TEK: variants seen among roughly 807,000 people sequenced by gnomAD.
The protein encoded by TEK is TEK receptor tyrosine kinase.
In TEK, 43 loss-of-function variants were observed where a neutral mutation model predicts 131.8. The ratio of observed to expected loss-of-function variants is 0.33; its 90% CI spans 0.26 to 0.42. The LOEUF (loss-of-function observed/expected upper bound fraction) is 0.42. Ranked by LOEUF, TEK falls within the 10% of genes least tolerant of loss-of-function variation. The pLI is 1.00. For synonymous variants in TEK, 580 were observed against 491.6 expected (o/e 1.18, Z -2.38); for missense variants, 1,162 against 1,384.4 (o/e 0.84, Z 2.55).
At chr9:27,223,156 A>G (rs1170058083) in intron 21 of TEK, among the ~76,000 whole-genome samples, 1 of 138,374 alleles carries the variant, frequency 7.2e-6, no homozygotes, top group East Asian at 2.2e-4. Flanking sequence ...AAGAGACTTA[A>G]AGTCTCCCAC....
At chr9:27,158,867 G>C (rs1243227725) in intron 2 of TEK, among the ~76,000 whole-genome samples, 1 of 152,062 alleles carries the variant, frequency 6.6e-6, no homozygotes, top group Non-Finnish European at 1.5e-5. Flanking sequence ...CACCATATTG[G>C]CCAGGACGAT....
At chr9:27,167,536 T>C (rs1823778052) in intron 2 of TEK, among the ~76,000 whole-genome samples, 1 of 152,196 alleles carries the variant, frequency 6.6e-6, no homozygotes, top group Admixed American at 6.5e-5. Context: ...CCTTGGCTTA[T>C]GATTTTGTAA....
At chr9:27,220,919 C>T (rs1457477757) in intron 21 of TEK, among the ~76,000 whole-genome samples, 1 of 152,190 alleles carries the variant, frequency 6.6e-6, no homozygotes, top group African/African-American at 2.4e-5. Context: ...CCTGGAACAC[C>T]AGCAAGTAAG....
rs142404471 is a variant in TEK at position 27,214,848 on chromosome 9, T to C, written c.2991+1251T>C. Among the ~76,000 whole-genome samples the C allele has an allele frequency of 1.0e-2, 1,516 of 152,268 alleles. 35 individuals carry two copies. The highest frequency in any genetic ancestry group is 0.013 in the Non-Finnish European group (884 of 68,016). ...AAGCCATGTGTGCCTCCCTGAGGGC[T>C]GGCTTCCAGGTGATGCTTTTCTCCC... is the stretch of plus-strand genomic sequence containing the variant. On this transcript the variant is annotated intron_variant, in intron 18 of 22. Transcript: ENST00000380036.
At chr9:27,126,054 G>A (rs920325401) in intron 1 of TEK, among the ~76,000 whole-genome samples, 5 of 152,198 alleles carry the variant, frequency 3.3e-5, no homozygotes, top group African/African-American at 1.2e-4. Context: ...CTTATGTTCT[G>A]TAAACCACGA....
At chr9:27,206,217 A>G (rs1825395224) in intron 14 of TEK, among the ~76,000 whole-genome samples, 1 of 152,214 alleles carries the variant, frequency 6.6e-6, no homozygotes, top group Admixed American at 6.5e-5. Context: ...AGGCTCTCCA[A>G]GTTAGTTTCC....
In TEK at chr9:27,213,555, TGGATTGTCCC is replaced by T. The variant is rs1160729163; in HGVS notation, c.2951_2960del (p.Gly984GlufsTer7). The T allele has an allele frequency of 6.2e-7, 1 of 1,614,038 alleles. No homozygotes were observed. The highest frequency in any genetic ancestry group is 8.5e-7 in the Non-Finnish European group (1 of 1,179,898). On this transcript the variant is annotated frameshift_variant, in exon 18 of 23. Coordinates refer to ENST00000380036, the MANE Select transcript of TEK (RefSeq NM_000459.5). LOFTEE classifies it high-confidence loss of function. ...ACTATGTGGCAAAAATAGCAGATTT[TGGATTGTCCC>T]GAGGTCAAGAGGTGTATGTGAAAAA...
At position 27,228,278 on chromosome 9, in the gene TEK, C is replaced by G. The variant is rs144527376; in HGVS notation, c.3273C>G (p.Ser1091=). ...ERPSFAQILV[S]LNRMLEERKT... ...CATCATTTGCCCAGATATTGGTGTC[C>G]TTAAACAGAATGTTAGAGGAGCGAA... Residue 1091 remains serine (S), a synonymous_variant, in exon 22 of 23, where the codon TCC becomes TCG. Transcript: ENST00000380036. 1.7e-5 allele frequency: 27 copies of G among 1,612,726 alleles called. No homozygotes were observed. The highest frequency in any genetic ancestry group is 2.2e-5 in the Non-Finnish European group (26 of 1,179,142).
At chr9:27,182,962 C>G (rs1415537648) in intron 7 of TEK, among the ~76,000 whole-genome samples, 1 of 152,214 alleles carries the variant, frequency 6.6e-6, no homozygotes, top group Admixed American at 6.5e-5. Context: ...TATTTGCAGA[C>G]TTCCCAATGA....
intron 16 of TEK, chr9:27,210,760 A>C (rs1187058815): frequency 2.6e-5 from 4 of 152,184 alleles, no homozygotes; most frequent in East Asian, 1.9e-4. Context: ...AAAAAACCAC[A>C]ACAACAAAAA....
chr9:27,156,420 G>A (rs1823332848), intron 1 of TEK, among the ~76,000 whole-genome samples: 1 of 151,982 alleles, frequency 6.6e-6, no homozygotes, highest in Non-Finnish European at 1.5e-5. Flanking sequence ...GGATGAGAGT[G>A]TATAGGTATT....
intron 21 of TEK, among the ~76,000 whole-genome samples, chr9:27,226,265 T>C (rs954613624): frequency 6.6e-6 from 1 of 152,192 alleles, no homozygotes; most frequent in African/African-American, 2.4e-5. Flanking sequence ...CATTCTACTA[T>C]AAAGACACAT....
intron 12 of TEK, among the ~76,000 whole-genome samples, chr9:27,197,886 C>A (rs1159824779): frequency 6.6e-6 from 1 of 152,108 alleles, no homozygotes; most frequent in Non-Finnish European, 1.5e-5. Context: ...CTTGTTGAAC[C>A]ATTTATGGGG....
intron 18 of TEK, among the ~76,000 whole-genome samples, chr9:27,216,758 T>TCC (rs1221145824): frequency 6.6e-6 from 1 of 152,186 alleles, no homozygotes; most frequent in Non-Finnish European, 1.5e-5. Context: ...ATGCATGACC[T>TCC]AGGAGAACAC....
chr9:27,126,966 G>A (rs979362310), intron 1 of TEK, among the ~76,000 whole-genome samples: 2 of 152,190 alleles, frequency 1.3e-5, no homozygotes, highest in African/African-American at 2.4e-5. Context: ...ATGTTAGCTA[G>A]TAACACAACT....
At position 27,202,836 on chromosome 9, in the gene TEK, A is replaced by G; in HGVS notation, c.1926A>G (p.Pro642=). 6.2e-7 allele frequency: 1 copy of G among 1,614,140 alleles called. No homozygotes were observed. The highest frequency in any genetic ancestry group is 8.5e-7 in the Non-Finnish European group (1 of 1,179,978). ...AATTTCTAGTTCTTCCTCCTCAACC[A>G]GAAAACATCAAGATTTCCAACATTA... is the stretch of plus-strand genomic sequence containing the variant. ...WTLSDILPPQ[P]ENIKISNITH... Residue 642 remains proline (P), a synonymous_variant, in exon 13 of 23, where the codon CCA becomes CCG. Transcript: ENST00000380036.
intron 21 of TEK, among the ~76,000 whole-genome samples, chr9:27,226,635 G>A (rs1826339414): frequency 6.6e-6 from 1 of 152,086 alleles, no homozygotes. Flanking sequence ...ATGACAGGTT[G>A]ATGGGTGCAG....
chr9:27,227,337 C>T (rs984806303), intron 21 of TEK, among the ~76,000 whole-genome samples: 2 of 152,140 alleles, frequency 1.3e-5, no homozygotes, highest in African/African-American at 4.8e-5. Flanking sequence ...TATGTTTTCA[C>T]GTGTTGTGCA....
chr9:27,112,932 T>C (rs937532803), intron 1 of TEK, among the ~76,000 whole-genome samples: 29 of 152,234 alleles, frequency 1.9e-4, no homozygotes, highest in African/African-American at 6.5e-4. Context: ...ACAAAAGTCA[T>C]GGAAGACAAC....
Sources: gnomAD v4.1 joint callset for allele counts (sites outside exome capture counted in the v4.1 genomes callset) on GRCh38, gnomAD v4.1.1 for gene constraint, MANE v1.5 for transcripts, NCBI Gene and HGNC (gene_info 2026-07-23, HGNC 2026-07-21) for gene names.